WDR76: variants seen among roughly 807,000 people sequenced by gnomAD.
The protein encoded by WDR76 is WD repeat domain 76, also known as WD repeat-containing protein 76.
In WDR76, 52 loss-of-function variants were observed where a neutral mutation model predicts 70.2. That is an observed-to-expected ratio of 0.74 (90% CI 0.59 to 0.93). WDR76 has a LOEUF of 0.93. WDR76 is among the 40% of genes least tolerant of loss of function. The pLI is 0.00. For synonymous variants in WDR76, 292 were observed against 271.1 expected (o/e 1.08, Z -0.76); for missense variants, 756 against 760.2 (o/e 0.99, Z 0.07).
At chr15:43,852,791 C>T (rs1007022033) in intron 9 of WDR76, among the ~76,000 whole-genome samples, 1 of 152,212 alleles carries the variant, frequency 6.6e-6, no homozygotes, top group Non-Finnish European at 1.5e-5. Context: ...ATCAGTACTT[C>T]ATTCCTTTTT....
Position 43,843,987 on chromosome 15 carries a change from A to T in WDR76, c.965A>T (p.His322Leu). Residue 322 changes from histidine to leucine, a missense_variant, in exon 8 of 13, where the codon CAT becomes CTT. His to Leu is a moderately conservative substitution (Grantham distance 99). Coordinates refer to ENST00000263795, the MANE Select transcript of WDR76 (RefSeq NM_024908.4). ...TTGPIFSMAL[H>L]PSETRTLVAV... Reference sequence around the variant, plus strand: ...GGCCCAATATTCTCTATGGCTCTCCATCCATCAGAAACTAGAACTTTGGTA... The same window carrying T: ...GGCCCAATATTCTCTATGGCTCTCCTTCCATCAGAAACTAGAACTTTGGTA... The T allele has an allele frequency of 6.2e-7, 1 of 1,614,018 alleles. No homozygotes were observed. The highest frequency in any genetic ancestry group is 8.5e-7 in the Non-Finnish European group (1 of 1,179,950).
chr15:43,863,450 A>G (rs560280067), intron 12 of WDR76, among the ~76,000 whole-genome samples: 1 of 152,148 alleles, frequency 6.6e-6, no homozygotes, highest in South Asian at 2.1e-4. Flanking sequence ...GATGTACAAT[A>G]GACCTCTTGA....
At chr15:43,848,250 A>G (rs74955522) in intron 8 of WDR76, among the ~76,000 whole-genome samples, 3 of 152,128 alleles carry the variant, frequency 2.0e-5, no homozygotes, top group Admixed American at 2.0e-4. Context: ...AAAAAAAGAA[A>G]AAAAATTCAC....
At position 43,866,142 on chromosome 15, in the gene WDR76, C is replaced by G. The variant is rs755141129; in HGVS notation, c.1631C>G (p.Thr544Ser). The G allele has an allele frequency of 9.9e-6, 16 of 1,614,006 alleles. No individual in the cohort carries two copies. Among genetic ancestry groups the G allele is most frequent in the Non-Finnish European group, 1.3e-5 (15 of 1,179,974 alleles). ...TTCCTCACTAGGCACAACACTTTCA[C>G]TGGGCGATGGCTGACCAGGTTCCAA... is the stretch of plus-strand genomic sequence containing the variant. ...LLTTIRHNTFTGRWLTRFQAM... is the reference protein window; with the variant it reads ...LLTTIRHNTFSGRWLTRFQAM... Residue 544 changes from threonine (T) to serine (S), a missense_variant, in exon 13 of 13, where the codon ACT (threonine) becomes AGT (serine). Physicochemically the swap from Thr to Ser is moderately conservative, Grantham distance 58 (BLOSUM62 1). Transcript: ENST00000263795.
At chr15:43,863,553 C>CTT (rs35913356) in intron 12 of WDR76, among the ~76,000 whole-genome samples, 44 of 141,604 alleles carry the variant, frequency 3.1e-4, no homozygotes, top group Non-Finnish European at 3.2e-4. Flanking sequence ...TAACTACTCT[C>CTT]TTTTTTAAAA....
At chr15:43,849,860 C>A (rs1169842002) in intron 8 of WDR76, among the ~76,000 whole-genome samples, 3 of 152,040 alleles carry the variant, frequency 2.0e-5, no homozygotes, top group African/African-American at 7.2e-5. Flanking sequence ...AAACTTCCAT[C>A]TTTGTACATT....
chr15:43,861,257 C>G, intron 11 of WDR76, 76 bp from the exon 12 acceptor site: 4 of 1,208,628 alleles, frequency 3.3e-6, no homozygotes, highest in Non-Finnish European at 4.9e-6. Context: ...TAATGAGAAG[C>G]TTGTTAAATA....
At chr15:43,852,764 C>T (rs184193841) in intron 9 of WDR76, among the ~76,000 whole-genome samples, 38 of 152,308 alleles carry the variant, frequency 2.5e-4, no homozygotes, top group Admixed American at 1.3e-3. Flanking sequence ...CAAAGTTCAT[C>T]CATGTTGTAG....
At position 43,842,473 on chromosome 15, in the gene WDR76, A is replaced by G. The variant is rs1385167556; in HGVS notation, c.791A>G (p.Glu264Gly). 20 of 1,614,128 alleles carry G rather than the reference A, an allele frequency of 1.2e-5. No homozygotes were observed. Among genetic ancestry groups the G allele is most frequent in the Non-Finnish European group, 1.7e-5 (20 of 1,180,002 alleles). ...TCTGAAAATCAAGAAGACAACAATG[A>G]ACGATTTAAAGGATTTCTGCACACA... ...MTSENQEDNN[E>G]RFKGFLHTWA... Residue 264 changes from glutamate to glycine, a missense_variant, in exon 6 of 13, where the codon GAA becomes GGA. Physicochemically the swap from Glu to Gly is moderately conservative, Grantham distance 98 (BLOSUM62 -2). Coordinates refer to ENST00000263795, the MANE Select transcript of WDR76 (RefSeq NM_024908.4).
intron 9 of WDR76, among the ~76,000 whole-genome samples, chr15:43,852,219 C>T (rs761855433): frequency 3.9e-5 from 6 of 152,108 alleles, no homozygotes; most frequent in Admixed American, 1.3e-4. Flanking sequence ...GTTTTACTCT[C>T]GTCACCTAGG....
At chr15:43,849,973 A>C (rs1362521193) in intron 8 of WDR76, among the ~76,000 whole-genome samples, 1 of 152,162 alleles carries the variant, frequency 6.6e-6, no homozygotes, top group East Asian at 1.9e-4. Flanking sequence ...GGTAACAGGA[A>C]GAGTATGTGT....
intron 10 of WDR76, chr15:43,857,436 A>T: frequency 1.0e-6 from 1 of 984,438 alleles, no homozygotes; most frequent in Non-Finnish European, 1.2e-6. Flanking sequence ...ATGAGAAGAA[A>T]ATTTAAATTT....
At chr15:43,836,857 C>T (rs2087662169) in intron 4 of WDR76, among the ~76,000 whole-genome samples, 1 of 150,836 alleles carries the variant, frequency 6.6e-6, no homozygotes, top group African/African-American at 2.4e-5. Flanking sequence ...ATGGAGAAAC[C>T]CCATCGCTAC....
Position 43,828,101 on chromosome 15 carries a change from G to A in WDR76, c.197G>A (p.Cys66Tyr). ...AATTACCAGCTAGACCAGCTTATGT[G>A]CCCCAAATCCCTATCAGAAAAGAAT... Reference protein sequence around the residue: ...LSNYQLDQLMCPKSLSEKNSN... With the variant: ...LSNYQLDQLMYPKSLSEKNSN... The change falls in exon 2 of 13, where the codon TGC becomes TAC. Residue 66 changes from cysteine to tyrosine, a missense_variant. Cys to Tyr is a radical substitution (Grantham distance 194, BLOSUM62 -2). Coordinates refer to ENST00000263795, the MANE Select transcript of WDR76 (RefSeq NM_024908.4). 2 of 1,614,104 alleles carry A rather than the reference G, an allele frequency of 1.2e-6. No homozygotes were observed. The highest frequency in any genetic ancestry group is 8.5e-7 in the Non-Finnish European group (1 of 1,180,032).
At chr15:43,832,954 C>CA (rs2087610258) in intron 2 of WDR76, among the ~76,000 whole-genome samples, 1 of 151,642 alleles carries the variant, frequency 6.6e-6, no homozygotes, top group South Asian at 2.1e-4. Flanking sequence ...GGGGTTTCGA[C>CA]ACGTTGGCCA....
intron 10 of WDR76, 23 bp from the exon 11 acceptor site, chr15:43,858,648 G>A: frequency 4.3e-6 from 7 of 1,611,214 alleles, no homozygotes; most frequent in Non-Finnish European, 5.1e-6. Flanking sequence ...TGGCAACATT[G>A]ATCATTGTTT....
chr15:43,854,859 G>A (rs1466416551), intron 9 of WDR76, among the ~76,000 whole-genome samples: 1 of 151,908 alleles, frequency 6.6e-6, no homozygotes, highest in Non-Finnish European at 1.5e-5. Context: ...CTAGGCCACG[G>A]AGAATCGCTT....
At chr15:43,843,614 C>CT (rs903516907) in intron 7 of WDR76, among the ~76,000 whole-genome samples, 6 of 151,220 alleles carry the variant, frequency 4.0e-5, no homozygotes, top group Admixed American at 2.0e-4. Flanking sequence ...GCTCAAAGGT[C>CT]TTTTTTTTTC....
At chr15:43,827,275 C>G (rs1362285980) in intron 1 of WDR76, among the ~76,000 whole-genome samples, 183 bp downstream of exon 1, 1 of 152,184 alleles carries the variant, frequency 6.6e-6, no homozygotes, top group Admixed American at 6.5e-5. Context: ...GTGGGAGAGT[C>G]ACATCTGGGA....
Sources: gnomAD v4.1 joint callset for allele counts (sites outside exome capture counted in the v4.1 genomes callset) on GRCh38, gnomAD v4.1.1 for gene constraint, MANE v1.5 for transcripts, NCBI Gene and HGNC (gene_info 2026-07-23, HGNC 2026-07-21) for gene names.